Variants in CD200R1L observed in about 807,000 individuals in gnomAD.
CD200R1L encodes CD200 receptor 1 like.
A neutral mutation model predicts 24.8 loss-of-function variants in CD200R1L; 14 were observed. The ratio of observed to expected loss-of-function variants is 0.56; its 90% CI spans 0.37 to 0.88. The LOEUF is 0.88. Among genes scored for constraint, CD200R1L ranks in the 40% least tolerant of loss-of-function variants. CD200R1L has a pLI of 0.00. For missense variants in CD200R1L, 299 were observed against 297.8 expected (o/e 1.00, Z -0.03); for synonymous variants, 111 against 109.2 (o/e 1.02, Z -0.11).
At position 112,839,603 on chromosome 3, in the gene CD200R1L, G is replaced by A. The variant is rs539906109; in HGVS notation, c.-86-1593C>T. ...GTTTCCAGATACCAAAACTTATCCC[G>A]TAAGAGGCTGAATGACAACACAAAT... On this transcript the variant is annotated intron_variant, in intron 2 of 7. Coordinates refer to ENST00000488794, the MANE Select transcript of CD200R1L (RefSeq NM_001199215.3). Among the ~76,000 whole-genome samples, 10 of 152,296 alleles carry A rather than the reference G, an allele frequency of 6.6e-5. No homozygotes were observed. In the South Asian group the frequency reaches 1.0e-3, roughly 16 times the overall value.
rs757128257 is a variant in CD200R1L at position 112,827,030 on chromosome 3, C to G, written c.579G>C (p.Leu193Phe). ...TTACGGACAGACTCTTGTTGCCAGT[C>G]AAATGGGAGACATGGCAGGTCACAG... Reference protein sequence around the residue: ...KSTVTCHVSHLTGNKSLSVKL... With the variant: ...KSTVTCHVSHFTGNKSLSVKL... Residue 193 changes from leucine (L) to phenylalanine (F), a missense_variant, in exon 6 of 8, where the codon TTG becomes TTC. By Grantham distance (22) the Leu-to-Phe change is conservative (BLOSUM62 0). Transcript: ENST00000488794. 43 of 1,611,942 alleles carry G rather than the reference C, an allele frequency of 2.7e-5. No individual in the cohort carries two copies. Among genetic ancestry groups the G allele is most frequent in the Non-Finnish European group, 3.6e-5 (42 of 1,179,680 alleles).
chr3:112,844,660 C>T (rs898704443), intron 2 of CD200R1L, among the ~76,000 whole-genome samples: 2 of 152,310 alleles, frequency 1.3e-5, no homozygotes, highest in African/African-American at 4.8e-5. Flanking sequence ...CGCGTGGTGG[C>T]TCACGCCTGT....
chr3:112,835,117 G>A (rs1440311877), intron 3 of CD200R1L, among the ~76,000 whole-genome samples: 4 of 152,212 alleles, frequency 2.6e-5, no homozygotes, highest in African/African-American at 9.6e-5. Flanking sequence ...TCATTTGGCA[G>A]GTCCTGAGTT....
chr3:112,825,836 A>C (rs1468991057), intron 6 of CD200R1L, among the ~76,000 whole-genome samples: 1 of 152,196 alleles, frequency 6.6e-6, no homozygotes, highest in Non-Finnish European at 1.5e-5. Context: ...ATTTGGGTTG[A>C]ATGTTGGTAC....
intron 2 of CD200R1L, among the ~76,000 whole-genome samples, chr3:112,844,585 C>CG (rs1330498367): frequency 6.6e-6 from 1 of 152,184 alleles, no homozygotes; most frequent in Non-Finnish European, 1.5e-5. Flanking sequence ...ACACCTACAT[C>CG]AAGAAGTTAG....
intron 3 of CD200R1L, among the ~76,000 whole-genome samples, chr3:112,835,364 A>G (rs1938913167): frequency 6.6e-6 from 1 of 152,088 alleles, no homozygotes; most frequent in African/African-American, 2.4e-5. Context: ...CAGAGAGGAA[A>G]CCCTATAGTG....
chr3:112,842,561 G>C (rs536880596), intron 2 of CD200R1L, among the ~76,000 whole-genome samples: 33 of 152,288 alleles, frequency 2.2e-4, no homozygotes, highest in African/African-American at 7.0e-4. Context: ...AAGTCTGACT[G>C]CCTGCGGGGT....
At chr3:112,845,570 G>T in intron 2 of CD200R1L, 109 bp downstream of exon 2, 1 of 895,610 alleles carries the variant, frequency 1.1e-6, no homozygotes, top group Non-Finnish European at 1.8e-6. Flanking sequence ...TATCACTGCT[G>T]CTAGGACAAG....
At chr3:112,829,500 T>A in intron 3 of CD200R1L, 116 bp from the exon 4 acceptor site, 1 of 1,288,522 alleles carries the variant, frequency 7.8e-7, no homozygotes, top group Non-Finnish European at 1.0e-6. Flanking sequence ...ATAACTAAAA[T>A]TATACAAAAA....
At chr3:112,837,906 C>T (rs1038426131) in intron 3 of CD200R1L, 36 bp downstream of exon 3, 31 of 862,892 alleles carry the variant, frequency 3.6e-5, no homozygotes, top group Non-Finnish European at 4.3e-5. Flanking sequence ...TCCAACCCTC[C>T]CATCAAACTG....
chr3:112,841,777 G>A lies in CD200R1L; in HGVS notation c.-86-3767C>T, dbSNP rs372150013. Reference sequence around the variant, plus strand: ...GGTCCAGGAGCAGTTTGGCCCCCCCGGAACACCTGGTGCTCAATCCTGAGG... The same window carrying A: ...GGTCCAGGAGCAGTTTGGCCCCCCCAGAACACCTGGTGCTCAATCCTGAGG... On this transcript the variant is annotated intron_variant, in intron 2 of 7. Coordinates refer to ENST00000488794, the MANE Select transcript of CD200R1L (RefSeq NM_001199215.3). 1.1e-3 allele frequency among the ~76,000 whole-genome samples: 172 copies of A among 152,222 alleles called. 4 individuals are homozygous for A. In the South Asian group the frequency reaches 0.032, roughly 28 times the overall value.
intron 6 of CD200R1L, among the ~76,000 whole-genome samples, chr3:112,823,213 G>A (rs957381226): frequency 3.3e-5 from 5 of 152,170 alleles, no homozygotes; most frequent in African/African-American, 4.8e-5. Flanking sequence ...TGTGTTACCC[G>A]AATGGCTGTT....
At chr3:112,838,638 C>T (rs974055620) in intron 2 of CD200R1L, among the ~76,000 whole-genome samples, 1 of 152,128 alleles carries the variant, frequency 6.6e-6, no homozygotes, top group Non-Finnish European at 1.5e-5. Flanking sequence ...TTTTACGGCT[C>T]ATTTAATGGT....
chr3:112,835,822 A>G (rs991285617), intron 3 of CD200R1L, among the ~76,000 whole-genome samples: 1 of 152,198 alleles, frequency 6.6e-6, no homozygotes, highest in Non-Finnish European at 1.5e-5. Flanking sequence ...AGCTCCCAAG[A>G]GCACAGGGGT....
intron 2 of CD200R1L, among the ~76,000 whole-genome samples, chr3:112,840,840 A>G (rs893810568): frequency 6.6e-6 from 1 of 152,178 alleles, no homozygotes; most frequent in Admixed American, 6.5e-5. Context: ...TCCTGGAAAA[A>G]ATATGCTGAT....
At chr3:112,823,423 A>C (rs1308698720) in intron 6 of CD200R1L, among the ~76,000 whole-genome samples, 2 of 152,338 alleles carry the variant, frequency 1.3e-5, no homozygotes, top group East Asian at 3.9e-4. Context: ...TGAAGTGAGG[A>C]AGGTCTTATG....
rs530154363 is a variant in CD200R1L at position 112,840,570 on chromosome 3, TAG to T, written c.-86-2562_-86-2561del. Reference sequence around the variant, plus strand: ...CACCTCCCATACTGGGGATTACAATTAGACGTGAGATTTAGTGAGGACACAGA... The same window carrying T: ...CACCTCCCATACTGGGGATTACAATTACGTGAGATTTAGTGAGGACACAGA... On this transcript the variant is annotated intron_variant, in intron 2 of 7. Coordinates refer to ENST00000488794, the MANE Select transcript of CD200R1L (RefSeq NM_001199215.3). Among the ~76,000 whole-genome samples the T allele has an allele frequency of 1.6e-4, 24 of 152,298 alleles. 1 individual carries two copies. In the South Asian group the frequency reaches 4.8e-3, roughly 30 times the overall value.
intron 2 of CD200R1L, among the ~76,000 whole-genome samples, chr3:112,843,153 T>G (rs1215575694): frequency 2.6e-5 from 4 of 152,132 alleles, no homozygotes. Context: ...TTTGAGGATA[T>G]AGTCAACAAA....
rs1035633434 is a variant in CD200R1L, at chr3:112,842,049, ACGG to A, written c.-87+3627_-87+3629del. Among the ~76,000 whole-genome samples, 47 of 152,346 alleles carry A rather than the reference ACGG, an allele frequency of 3.1e-4. No homozygotes were observed. The Middle Eastern group carries it at 0.02, about 66-fold the overall frequency. Reference sequence around the variant, plus strand: ...TTCAGCTTCTGCCCAAGGGATCTCCACGGCCCACAACATCTGGAACACCTCAGT... The same window carrying A: ...TTCAGCTTCTGCCCAAGGGATCTCCACCCACAACATCTGGAACACCTCAGT... On this transcript the variant is annotated intron_variant, in intron 2 of 7. Coordinates refer to ENST00000488794, the MANE Select transcript of CD200R1L (RefSeq NM_001199215.3).
Sources: allele counts gnomAD v4.1 joint callset (sites outside exome capture counted in the v4.1 genomes callset), GRCh38; gene constraint gnomAD v4.1.1; transcripts MANE v1.5; gene names NCBI Gene and HGNC (gene_info 2026-07-23, HGNC 2026-07-21).